Variants in MDGA2 observed in about 807,000 individuals in gnomAD.
MDGA2 encodes the protein MAM domain containing glycosylphosphatidylinositol anchor 2, also known as MAM domain-containing glycosylphosphatidylinositol anchor protein 2.
Under a neutral mutation model 117.8 loss-of-function variants are expected in MDGA2, and 40 were observed. The observed-to-expected ratio is 0.34, with a 90% CI of 0.26 to 0.44. The LOEUF is 0.44. Ranked by LOEUF, MDGA2 falls within the 20% of genes least tolerant of loss-of-function variation. MDGA2 has a pLI of 1.00. For missense variants in MDGA2, 1,123 were observed against 1,250.6 expected, an observed-to-expected ratio of 0.90 and a Z score of 1.54; for synonymous variants, 452 against 439.0, an observed-to-expected ratio of 1.03 and a Z score of -0.37.
intron 1 of MDGA2, among the ~76,000 whole-genome samples, chr14:47,436,163 T>G (rs1892893814): frequency 1.3e-5 from 2 of 152,206 alleles, no homozygotes; most frequent in South Asian, 4.1e-4. Context: ...ATCTCTGATA[T>G]TCCCAGTGTT....
intron 3 of MDGA2, among the ~76,000 whole-genome samples, chr14:47,175,542 C>CAA (rs989844491): frequency 1.3e-5 from 2 of 151,524 alleles, no homozygotes; most frequent in African/African-American, 4.9e-5. Context: ...GAACCAAAGA[C>CAA]AAAAACCACA....
intron 1 of MDGA2, among the ~76,000 whole-genome samples, chr14:47,574,629 CA>C (rs1409954424): frequency 6.6e-6 from 1 of 151,950 alleles, no homozygotes; most frequent in Non-Finnish European, 1.5e-5. Context: ...TGTCTAGTAC[CA>C]CTGCTATTAT....
At chr14:47,082,364 T>C (rs1890739218) in intron 6 of MDGA2, among the ~76,000 whole-genome samples, 1 of 150,652 alleles carries the variant, frequency 6.6e-6, no homozygotes, top group African/African-American at 2.4e-5. Flanking sequence ...TCACATACTA[T>C]AGCTATTTTT....
At position 47,467,811 on chromosome 14, in the gene MDGA2, T is replaced by C. The variant is rs139595473; in HGVS notation, c.281-166261A>G. On this transcript the variant is annotated intron_variant, in intron 1 of 16. Coordinates refer to ENST00000399232, the MANE Select transcript of MDGA2 (RefSeq NM_001113498.3). ...GATGCCAATATATCATTTTGTATTA[T>C]TTAATATTTTAACCTTGTTGACTGG... 2.0e-3 allele frequency among the ~76,000 whole-genome samples: 306 copies of C among 152,272 alleles called. 4 individuals are homozygous for C. The highest frequency in any genetic ancestry group is 6.8e-3 in the South Asian group (33 of 4,828).
chr14:47,176,468 A>G (rs1373713310), intron 3 of MDGA2, among the ~76,000 whole-genome samples: 1 of 152,182 alleles, frequency 6.6e-6, no homozygotes, highest in African/African-American at 2.4e-5. Context: ...GATCAATGGA[A>G]CAGAACAGAG....
intron 1 of MDGA2, among the ~76,000 whole-genome samples, chr14:47,414,702 T>G (rs866989247): frequency 3.3e-5 from 5 of 152,146 alleles, no homozygotes; most frequent in African/African-American, 1.2e-4. Context: ...TTGATTCATA[T>G]TTTACTGTAT....
At chr14:47,279,402 CTT>C (rs1347276077) in intron 2 of MDGA2, among the ~76,000 whole-genome samples, 1 of 152,150 alleles carries the variant, frequency 6.6e-6, no homozygotes. Flanking sequence ...CCATGTTTCT[CTT>C]GCACTGTACT....
intron 1 of MDGA2, among the ~76,000 whole-genome samples, chr14:47,376,120 C>A (rs1891472716): frequency 6.6e-6 from 1 of 152,096 alleles, no homozygotes; most frequent in Non-Finnish European, 1.5e-5. Context: ...CAATTTATTT[C>A]AATGTCTCTG....
chr14:46,960,012 A>T (rs542765401), intron 8 of MDGA2, among the ~76,000 whole-genome samples: 20 of 152,184 alleles, frequency 1.3e-4, no homozygotes, highest in African/African-American at 4.8e-4. Flanking sequence ...TCACGAGGTC[A>T]GGACTTCGAG....
intron 1 of MDGA2, among the ~76,000 whole-genome samples, chr14:47,650,351 G>A (rs565782042): frequency 6.6e-6 from 1 of 152,228 alleles, no homozygotes; most frequent in South Asian, 2.1e-4. Context: ...ATATGCAGCA[G>A]GTCCTTGAAT....
intron 9 of MDGA2, among the ~76,000 whole-genome samples, chr14:46,946,723 C>T (rs1347757730): frequency 6.6e-6 from 1 of 152,032 alleles, no homozygotes; most frequent in African/African-American, 2.4e-5. Flanking sequence ...GCTAGTCATA[C>T]CAAGACCAGA....
intron 10 of MDGA2, among the ~76,000 whole-genome samples, chr14:46,890,943 T>C (rs944653117): frequency 4.6e-5 from 7 of 152,098 alleles, no homozygotes; most frequent in Non-Finnish European, 1.0e-4. Context: ...AAAACAACTA[T>C]GACACATACA....
intron 9 of MDGA2, among the ~76,000 whole-genome samples, chr14:46,928,133 GAAATGATTTTATTTAAA>G (rs1884400698): frequency 6.6e-6 from 1 of 151,992 alleles, no homozygotes; most frequent in South Asian, 2.1e-4. Flanking sequence ...TCATTTCCCA[GAAATGATTTTATTTAAA>G]ACATTCTGTA....
chr14:47,472,373 G>A (rs1265441830), intron 1 of MDGA2, among the ~76,000 whole-genome samples: 1 of 152,118 alleles, frequency 6.6e-6, no homozygotes, highest in African/African-American at 2.4e-5. Flanking sequence ...AGCCTATCAC[G>A]TCTAGGCTAC....
chr14:47,292,890 T>C (rs963340849), intron 2 of MDGA2, among the ~76,000 whole-genome samples: 3 of 152,248 alleles, frequency 2.0e-5, no homozygotes, highest in African/African-American at 2.4e-5. Context: ...TCCATTGTCA[T>C]AAACCCTTGT....
intron 1 of MDGA2, among the ~76,000 whole-genome samples, chr14:47,594,034 G>A (rs542411606): frequency 6.6e-6 from 1 of 152,208 alleles, no homozygotes; most frequent in Non-Finnish European, 1.5e-5. Context: ...AACTGTAGAA[G>A]TGCTAGGACT....
intron 10 of MDGA2, among the ~76,000 whole-genome samples, chr14:46,898,582 A>G (rs1404325351): frequency 6.6e-6 from 1 of 152,148 alleles, no homozygotes; most frequent in Non-Finnish European, 1.5e-5. Flanking sequence ...AGGTAACATT[A>G]AAACTCTGAC....
At chr14:47,511,642 T>A (rs927426693) in intron 1 of MDGA2, among the ~76,000 whole-genome samples, 1 of 152,188 alleles carries the variant, frequency 6.6e-6, no homozygotes, top group Non-Finnish European at 1.5e-5. Context: ...ACAGGACTTA[T>A]ATTTTCCTGA....
chr14:46,986,289 A>T (rs1416730756), intron 8 of MDGA2, among the ~76,000 whole-genome samples: 1 of 152,070 alleles, frequency 6.6e-6, no homozygotes, highest in Non-Finnish European at 1.5e-5. Flanking sequence ...TTTGTACAAG[A>T]AGTTTTATCA....
Sources: allele counts gnomAD v4.1 joint callset (sites outside exome capture counted in the v4.1 genomes callset), GRCh38; gene constraint gnomAD v4.1.1; transcripts MANE v1.5; gene names NCBI Gene and HGNC (gene_info 2026-07-23, HGNC 2026-07-21).